YIPF5: variants seen among roughly 807,000 people sequenced by gnomAD.
The protein encoded by YIPF5 is protein YIPF5.
Under a neutral mutation model 30.4 loss-of-function variants are expected in YIPF5, and 8 were observed. That is an observed-to-expected ratio of 0.26 (90% CI 0.15 to 0.47). YIPF5 has a LOEUF of 0.47. Ranked by LOEUF, YIPF5 falls within the 20% of genes least tolerant of loss-of-function variation. The pLI is 0.99. For synonymous variants in YIPF5, 104 were observed against 107.9 expected, an observed-to-expected ratio of 0.96 and a Z score of 0.23; for missense variants, 282 against 301.8, an observed-to-expected ratio of 0.93 and a Z score of 0.49.
In YIPF5 at chr5:144,160,545, A is replaced by T; in HGVS notation, c.626T>A (p.Ile209Asn). Residue 209 changes from isoleucine (I) to asparagine (N), a missense_variant, in exon 6 of 6, where the codon ATC (isoleucine) becomes AAC (asparagine). By Grantham distance (149) the Ile-to-Asn change is moderately radical (BLOSUM62 -3). Transcript: ENST00000274496. Reference sequence around the variant, plus strand: ...TCCAATAATCCCAGCAGTGAGAATGATTCCTACCATTCCTCTGTAAACAAC... The same window carrying T: ...TCCAATAATCCCAGCAGTGAGAATGTTTCCTACCATTCCTCTGTAAACAAC... ...VIFSLQGMVG[I>N]ILTAGIIGWC... The T allele has an allele frequency of 6.2e-7, 1 of 1,612,452 alleles. No homozygotes were observed. Among genetic ancestry groups the T allele is most frequent in the South Asian group, 1.1e-5 (1 of 90,698 alleles).
chr5:144,162,516 T>A, intron 4 of YIPF5, 117 bp from the exon 5 acceptor site: 1 of 912,610 alleles, frequency 1.1e-6, no homozygotes, highest in South Asian at 1.8e-5. Flanking sequence ...TACTAATCTA[T>A]CTATTCTTTA....
In YIPF5 at chr5:144,159,386, T is replaced by A; in HGVS notation, c.*1011A>T. The A allele has an allele frequency of 1.0e-6, 1 of 985,370 alleles. No individual in the cohort carries two copies. Among genetic ancestry groups the A allele is most frequent in the South Asian group, 4.7e-5 (1 of 21,288 alleles). The allele number at this position is 985,370 out of a possible 1,614,324, so 61.0% of individuals were successfully genotyped here. On this transcript the variant is annotated 3_prime_UTR_variant, in exon 6 of 6. Coordinates refer to ENST00000274496, the MANE Select transcript of YIPF5 (RefSeq NM_030799.9). ...TAAAAAAGGTTAGTGATTTTTTTATTATTTTTGGGAAATGTGGCGATCCAA... is the reference window on the plus strand; with the variant it reads ...TAAAAAAGGTTAGTGATTTTTTTATAATTTTTGGGAAATGTGGCGATCCAA...
In YIPF5 at chr5:144,159,409, C is replaced by T; in HGVS notation, c.*988G>A. The T allele has an allele frequency of 1.0e-6, 1 of 985,084 alleles. No individual in the cohort carries two copies. Among genetic ancestry groups the T allele is most frequent in the Middle Eastern group, 5.2e-4 (1 of 1,914 alleles). The allele number at this position is 985,084 out of a possible 1,614,324, so 61.0% of individuals were successfully genotyped here. A position where few individuals can be genotyped will look rare whatever the true frequency, so the allele number is the denominator to read the frequency against. ...ATTATTTTTGGGAAATGTGGCGATC[C>T]AACGATTATAGCATTAATGCAACCA... On this transcript the variant is annotated 3_prime_UTR_variant, in exon 6 of 6. Transcript: ENST00000274496.
At chr5:144,169,270 C>G (rs17372048) in intron 2 of YIPF5, among the ~76,000 whole-genome samples, 2 of 152,114 alleles carry the variant, frequency 1.3e-5, no homozygotes, top group Non-Finnish European at 2.9e-5. Context: ...CAGAGGCTAA[C>G]GGCTTTGAGT....
chr5:144,170,178 A>G (rs1292270313), intron 1 of YIPF5: 2 of 541,862 alleles, frequency 3.7e-6, no homozygotes, highest in African/African-American at 3.8e-5. Context: ...CAGTAAGACA[A>G]CTCCACCTTA....
intron 3 of YIPF5, among the ~76,000 whole-genome samples, chr5:144,164,790 A>G (rs890353131): frequency 1.3e-5 from 2 of 152,260 alleles, no homozygotes; most frequent in African/African-American, 4.8e-5. Context: ...GGTGTTGGAA[A>G]AGGGTATGGA....
chr5:144,161,063 TAA>T (rs1284171997), intron 5 of YIPF5, among the ~76,000 whole-genome samples: 2 of 152,182 alleles, frequency 1.3e-5, no homozygotes, highest in African/African-American at 4.8e-5. Context: ...TCTTAATAAA[TAA>T]GAGTGATTTC....
intron 3 of YIPF5, 104 bp from the exon 4 acceptor site, chr5:144,164,360 A>C: frequency 1.0e-6 from 1 of 980,242 alleles, no homozygotes; most frequent in Non-Finnish European, 1.5e-6. Flanking sequence ...GCATCAAAAA[A>C]GGATCTAGCA....
At position 144,164,186 on chromosome 5, in the gene YIPF5, A is replaced by G. The variant is rs748818276; in HGVS notation, c.354T>C (p.Asp118=). 6.2e-7 allele frequency: 1 copy of G among 1,613,856 alleles called. No homozygotes were observed. ...AATCAGTTTCATTCATGATGCTGCCATCTGCTACTTTTAACGGATGTAATA... is the reference window on the plus strand; with the variant it reads ...AATCAGTTTCATTCATGATGCTGCCGTCTGCTACTTTTAACGGATGTAATA... ...LTVLHPLKVA[D]GSIMNETDLA... is the part of the protein sequence containing the mutation. Residue 118 remains aspartate (D), a synonymous_variant, in exon 4 of 6, where the codon GAT becomes GAC. Coordinates refer to ENST00000274496, the MANE Select transcript of YIPF5 (RefSeq NM_030799.9).
At chr5:144,162,887 C>T (rs4336387) in intron 4 of YIPF5, among the ~76,000 whole-genome samples, 68,830 of 151,910 alleles carry the variant, frequency 0.45, 16,502 homozygotes, top group African/African-American at 0.61. Context: ...TATATGGGTG[C>T]TAGAGGAGCA....
At chr5:144,165,124 T>A (rs1273020909) in intron 3 of YIPF5, among the ~76,000 whole-genome samples, 1 of 152,234 alleles carries the variant, frequency 6.6e-6, no homozygotes, top group Non-Finnish European at 1.5e-5. Context: ...CCACACAGAA[T>A]AATGGATAGC....
intron 2 of YIPF5, among the ~76,000 whole-genome samples, chr5:144,166,241 C>T (rs1398133734): frequency 6.6e-6 from 1 of 152,120 alleles, no homozygotes; most frequent in African/African-American, 2.4e-5. Flanking sequence ...TAGCAAAGTA[C>T]TATTTTTCAA....
intron 2 of YIPF5, among the ~76,000 whole-genome samples, chr5:144,169,098 T>TA (rs1752282655): frequency 6.6e-6 from 1 of 152,194 alleles, no homozygotes; most frequent in Non-Finnish European, 1.5e-5. Flanking sequence ...AATCCTAGTA[T>TA]AGGAAGCTCC....
chr5:144,163,660 T>A (rs1361304123), intron 4 of YIPF5, among the ~76,000 whole-genome samples: 3 of 152,114 alleles, frequency 2.0e-5, no homozygotes, highest in Non-Finnish European at 4.4e-5. Context: ...TGCCTTAACA[T>A]TCTTGGGAAG....
At chr5:144,163,074 T>C (rs753642039) in intron 4 of YIPF5, among the ~76,000 whole-genome samples, 11 of 152,166 alleles carry the variant, frequency 7.2e-5, no homozygotes, top group Non-Finnish European at 1.5e-4. Context: ...ACTGCAAAGA[T>C]TAGCTAAATT....
At chr5:144,163,592 G>A (rs2126758526) in intron 4 of YIPF5, among the ~76,000 whole-genome samples, 1 of 152,176 alleles carries the variant, frequency 6.6e-6, no homozygotes, top group African/African-American at 2.4e-5. Flanking sequence ...TCATAATTCA[G>A]AGACATAAGA....
chr5:144,160,538 G>A lies in YIPF5; in HGVS notation c.633C>T (p.Leu211=). ...FSLQGMVGII[L]TAGIIGWCSF... ...TACACCATCCAATAATCCCAGCAGT[G>A]AGAATGATTCCTACCATTCCTCTGT... The change falls in exon 6 of 6, where the codon CTC becomes CTT. Residue 211 remains leucine, a synonymous_variant. Transcript: ENST00000274496. 6 of 1,613,478 alleles carry A rather than the reference G, an allele frequency of 3.7e-6. No homozygotes were observed. The highest frequency in any genetic ancestry group is 5.1e-6 in the Non-Finnish European group (6 of 1,179,848).
At chr5:144,170,182 C>T in intron 1 of YIPF5, 1 of 539,740 alleles carries the variant, frequency 1.9e-6, no homozygotes, top group South Asian at 2.1e-5. Flanking sequence ...AAGACAACTC[C>T]ACCTTAAAGA....
chr5:144,168,308 A>T (rs1752255958), intron 2 of YIPF5, among the ~76,000 whole-genome samples: 1 of 152,214 alleles, frequency 6.6e-6, no homozygotes, highest in Non-Finnish European at 1.5e-5. Flanking sequence ...AGAAAAGAAA[A>T]GAAAAGCAGA....
Sources: allele counts gnomAD v4.1 joint callset (sites outside exome capture counted in the v4.1 genomes callset), GRCh38; gene constraint gnomAD v4.1.1; transcripts MANE v1.5; gene names NCBI Gene and HGNC (gene_info 2026-07-23, HGNC 2026-07-21).